The following PPP3CA variants were observed in gnomAD, a reference collection of about 807,000 sequenced individuals.
The protein encoded by PPP3CA is CAM-PRP catalytic subunit.
Under a neutral mutation model 66.5 loss-of-function variants are expected in PPP3CA, and 14 were observed. That is an observed-to-expected ratio of 0.21 (90% CI 0.14 to 0.33). PPP3CA has a LOEUF of 0.33. Among genes scored for constraint, PPP3CA ranks in the 10% least tolerant of loss-of-function variants. The probability of loss-of-function intolerance (pLI) is 1.00; values close to 1 mark genes in which losing one functional copy is unlikely to be tolerated. For synonymous variants in PPP3CA, 232 were observed against 226.2 expected (o/e 1.03, Z -0.23); for missense variants, 317 against 639.5 (o/e 0.50, Z 5.44).
In PPP3CA at chr4:101,247,570, T is replaced by C. The variant is rs1006800334; in HGVS notation, c.59-51454A>G. Among the ~76,000 whole-genome samples, 5 of 152,306 alleles carry C rather than the reference T, an allele frequency of 3.3e-5. No homozygotes were observed. In the East Asian group the frequency reaches 5.8e-4, roughly 18 times the overall value. On this transcript the variant is annotated intron_variant, in intron 1 of 13. Transcript: ENST00000394854. ...ACACAGTATGAGCATCATTTCTATA[T>C]TTACCATGAGCAAAGAATTTACAAA...
intron 1 of PPP3CA, among the ~76,000 whole-genome samples, chr4:101,312,651 G>A (rs1402870528): frequency 6.6e-6 from 1 of 151,974 alleles, no homozygotes; most frequent in Non-Finnish European, 1.5e-5. Context: ...TTAGTAAAAT[G>A]TGGTCTGAAA....
rs150506194 is a variant in PPP3CA at position 101,264,232 on chromosome 4, G to A, written c.59-68116C>T. On this transcript the variant is annotated intron_variant, in intron 1 of 13. Coordinates refer to ENST00000394854, the MANE Select transcript of PPP3CA (RefSeq NM_000944.5). ...GTCTTTTTCCCCCAAGGCAGGAACT[G>A]TTTCTGTTGTCTGTCCTTCCTTTTT... Among the ~76,000 whole-genome samples, 412 of 152,220 alleles carry A rather than the reference G, an allele frequency of 2.7e-3. 4 individuals carry two copies. Among genetic ancestry groups the A allele is most frequent in the African/African-American group, 9.3e-3 (386 of 41,534 alleles).
intron 2 of PPP3CA, among the ~76,000 whole-genome samples, chr4:101,157,637 G>T (rs1723365815): frequency 6.6e-6 from 1 of 152,154 alleles, no homozygotes; most frequent in African/African-American, 2.4e-5. Flanking sequence ...GGCTGATGAT[G>T]CAAGTGAACT....
intron 1 of PPP3CA, among the ~76,000 whole-genome samples, chr4:101,240,194 A>C (rs1473020818): frequency 6.6e-6 from 1 of 152,018 alleles, no homozygotes; most frequent in Non-Finnish European, 1.5e-5. Context: ...CAGGAACAAA[A>C]CAACAGTTAA....
chr4:101,194,887 T>C (rs1367752857), intron 2 of PPP3CA, among the ~76,000 whole-genome samples: 1 of 151,654 alleles, frequency 6.6e-6, no homozygotes, highest in Non-Finnish European at 1.5e-5. Flanking sequence ...TTTTTGACAA[T>C]ATTTAATTTT....
chr4:101,310,363 T>G (rs1484276290), intron 1 of PPP3CA, among the ~76,000 whole-genome samples: 1 of 152,172 alleles, frequency 6.6e-6, no homozygotes, highest in Non-Finnish European at 1.5e-5. Context: ...GATACTTGTA[T>G]CTTGCAAAGA....
intron 1 of PPP3CA, among the ~76,000 whole-genome samples, chr4:101,291,474 A>G (rs1399701308): frequency 6.6e-6 from 1 of 152,024 alleles, no homozygotes; most frequent in African/African-American, 2.4e-5. Context: ...TCCAAGCCTC[A>G]ATTAGAGGAA....
At chr4:101,106,481 AAAAGAAAAGAAAAGAAAAGAAAG>A (rs1730753458) in intron 3 of PPP3CA, among the ~76,000 whole-genome samples, 1 of 64,180 alleles carries the variant, frequency 1.6e-5, no homozygotes, top group Non-Finnish European at 3.1e-5. Flanking sequence ...AAAAGAAAAG[AAAAGAAAAGAAAAGAAAAGAAAG>A]AAAGAAAGAA....
At chr4:101,311,370 T>C (rs888326130) in intron 1 of PPP3CA, among the ~76,000 whole-genome samples, 3 of 152,200 alleles carry the variant, frequency 2.0e-5, no homozygotes, top group Non-Finnish European at 2.9e-5. Flanking sequence ...TCTAAGGAGA[T>C]ATTTAAAAAT....
chr4:101,035,665 GCT>G (rs1291176566), intron 11 of PPP3CA, among the ~76,000 whole-genome samples: 1 of 149,946 alleles, frequency 6.7e-6, no homozygotes, highest in Non-Finnish European at 1.5e-5. Context: ...TTCCTTCCTT[GCT>G]CTTTTTTTCT....
chr4:101,089,937 G>T (rs1399288923), intron 6 of PPP3CA, among the ~76,000 whole-genome samples: 1 of 152,044 alleles, frequency 6.6e-6, no homozygotes, highest in Non-Finnish European at 1.5e-5. Context: ...TTAAATAATG[G>T]CCCAGATAAC....
intron 8 of PPP3CA, among the ~76,000 whole-genome samples, chr4:101,064,337 C>A (rs1381779975): frequency 2.0e-5 from 3 of 151,902 alleles, no homozygotes; most frequent in Non-Finnish European, 4.4e-5. Context: ...CTATGCATTT[C>A]ATATTTAATA....
intron 9 of PPP3CA, among the ~76,000 whole-genome samples, chr4:101,062,570 C>T (rs1728512776): frequency 6.6e-6 from 1 of 151,890 alleles, no homozygotes; most frequent in Non-Finnish European, 1.5e-5. Flanking sequence ...ACAATTGGTG[C>T]AGACATTTCC....
chr4:101,117,851 G>A (rs1721892398), intron 2 of PPP3CA, among the ~76,000 whole-genome samples: 1 of 151,876 alleles, frequency 6.6e-6, no homozygotes, highest in South Asian at 2.1e-4. Flanking sequence ...ATCATCACCA[G>A]CCCATCAAGA....
chr4:101,341,086 A>T (rs1729798735), intron 1 of PPP3CA, among the ~76,000 whole-genome samples: 1 of 152,200 alleles, frequency 6.6e-6, no homozygotes, highest in African/African-American at 2.4e-5. Flanking sequence ...AAATATAAAA[A>T]GCTTCCTCTC....
intron 1 of PPP3CA, among the ~76,000 whole-genome samples, chr4:101,328,668 C>G (rs921412420): frequency 1.3e-5 from 2 of 152,180 alleles, no homozygotes; most frequent in South Asian, 4.1e-4. Flanking sequence ...CTGTCACAAG[C>G]AAGTCTAGCG....
At chr4:101,070,174 C>A (rs200843264) in intron 8 of PPP3CA, among the ~76,000 whole-genome samples, 1 of 151,892 alleles carries the variant, frequency 6.6e-6, no homozygotes, top group South Asian at 2.1e-4. Context: ...AGGCACAGAT[C>A]CCTTTTTTTT....
intron 1 of PPP3CA, among the ~76,000 whole-genome samples, chr4:101,334,686 G>C (rs1018963977): frequency 1.3e-5 from 2 of 152,148 alleles, no homozygotes; most frequent in African/African-American, 2.4e-5. Context: ...TGTGTGAGGA[G>C]AGAAGACTTC....
intron 12 of PPP3CA, among the ~76,000 whole-genome samples, chr4:101,029,892 G>A (rs1726862715): frequency 6.6e-6 from 1 of 151,414 alleles, no homozygotes; most frequent in Non-Finnish European, 1.5e-5. Flanking sequence ...TTTCCAGCAA[G>A]CCCAATTATG....
Sources: allele counts gnomAD v4.1 joint callset (sites outside exome capture counted in the v4.1 genomes callset), GRCh38; gene constraint gnomAD v4.1.1; transcripts MANE v1.5; gene names NCBI Gene and HGNC (gene_info 2026-07-23, HGNC 2026-07-21).